Variants in CNTNAP2 observed in about 807,000 individuals in gnomAD.
CNTNAP2 encodes contactin associated protein 2.
CNTNAP2 carries 98 observed loss-of-function variants against 155.2 expected under a neutral mutation model. The ratio of observed to expected loss-of-function variants is 0.63; its 90% CI spans 0.54 to 0.75. The LOEUF (loss-of-function observed/expected upper bound fraction) is 0.75. CNTNAP2 is among the 30% of genes least tolerant of loss of function. CNTNAP2 has a pLI of 0.00. For synonymous variants in CNTNAP2, 651 were observed against 631.2 expected (o/e 1.03, Z -0.47); for missense variants, 1,727 against 1,688.1 (o/e 1.02, Z -0.40).
intron 15 of CNTNAP2, among the ~76,000 whole-genome samples, chr7:148,028,348 G>A (rs575762758): frequency 1.8e-4 from 28 of 152,276 alleles, no homozygotes; most frequent in Non-Finnish European, 3.1e-4. Context: ...CCACCTGGTA[G>A]ATCTCATGTT....
chr7:147,782,783 A>G (rs758054359), intron 13 of CNTNAP2, among the ~76,000 whole-genome samples: 58 of 152,260 alleles, frequency 3.8e-4, no homozygotes, highest in South Asian at 1.2e-3. Flanking sequence ...TCCACCCGCT[A>G]ATTTTACTCT....
chr7:147,501,166 T>C (rs542945287), intron 11 of CNTNAP2, among the ~76,000 whole-genome samples: 108 of 151,642 alleles, frequency 7.1e-4, no homozygotes, highest in Non-Finnish European at 1.2e-3. Flanking sequence ...GAAGAAGCAT[T>C]TGACAAAATT....
chr7:147,176,807 AATAG>A (rs1358935366), intron 8 of CNTNAP2, among the ~76,000 whole-genome samples: 4 of 125,230 alleles, frequency 3.2e-5, no homozygotes, highest in Admixed American at 9.3e-5. Context: ...TATAATATAT[AATAG>A]ATATAGAATA....
At chr7:146,996,226 A>T (rs529736278) in intron 3 of CNTNAP2, among the ~76,000 whole-genome samples, 25 of 152,056 alleles carry the variant, frequency 1.6e-4, no homozygotes, top group African/African-American at 6.0e-4. Flanking sequence ...GAAAAAGTAA[A>T]TTTATGATTT....
intron 21 of CNTNAP2, among the ~76,000 whole-genome samples, chr7:148,324,440 T>G (rs13225489): frequency 0.33 from 50,222 of 152,050 alleles, 9,050 homozygotes; most frequent in East Asian, 0.51. Flanking sequence ...TTTCAAAGCA[T>G]TCTATGCATT....
chr7:148,119,687 G>A (rs578068089), intron 16 of CNTNAP2, among the ~76,000 whole-genome samples: 13 of 152,290 alleles, frequency 8.5e-5, no homozygotes, highest in East Asian at 3.9e-4. Context: ...ATTCCACACC[G>A]TCAGGTAAAT....
At chr7:147,174,479 GA>G (rs1425990686) in intron 8 of CNTNAP2, among the ~76,000 whole-genome samples, 9 of 152,102 alleles carry the variant, frequency 5.9e-5, no homozygotes, top group African/African-American at 2.2e-4. Context: ...CTGAGAGCCA[GA>G]CAACACCCAA....
At chr7:147,151,931 G>T (rs1801835645) in intron 8 of CNTNAP2, among the ~76,000 whole-genome samples, 1 of 152,052 alleles carries the variant, frequency 6.6e-6, no homozygotes, top group Non-Finnish European at 1.5e-5. Flanking sequence ...AGCCTTCCTT[G>T]TTAATTGCTA....
intron 10 of CNTNAP2, among the ~76,000 whole-genome samples, chr7:147,480,963 T>C (rs1413794130): frequency 6.6e-5 from 10 of 152,156 alleles, no homozygotes; most frequent in Non-Finnish European, 1.2e-4. Context: ...AACACTACTT[T>C]TGAGTGCCAA....
intron 12 of CNTNAP2, among the ~76,000 whole-genome samples, chr7:147,629,117 A>G (rs10243358): frequency 0.09 from 13,668 of 152,096 alleles, 1,704 homozygotes; most frequent in African/African-American, 0.26. Flanking sequence ...AATAACGGAC[A>G]TAGGCCGACC....
At chr7:147,410,309 G>T (rs1321844968) in intron 10 of CNTNAP2, among the ~76,000 whole-genome samples, 1 of 152,170 alleles carries the variant, frequency 6.6e-6, no homozygotes, top group African/African-American at 2.4e-5. Flanking sequence ...AATGTCACAT[G>T]TTCTCACTTA....
At chr7:146,928,838 C>T (rs1219290902) in intron 3 of CNTNAP2, among the ~76,000 whole-genome samples, 3 of 152,196 alleles carry the variant, frequency 2.0e-5, no homozygotes, top group Non-Finnish European at 4.4e-5. Context: ...TGGTTGCTAG[C>T]ACAGCAGTCT....
chr7:146,721,476 A>G (rs1471476626), intron 1 of CNTNAP2, among the ~76,000 whole-genome samples: 1 of 130,528 alleles, frequency 7.7e-6, no homozygotes, highest in Non-Finnish European at 1.5e-5. Flanking sequence ...TACATTCTAT[A>G]TATATTCTAT....
intron 8 of CNTNAP2, among the ~76,000 whole-genome samples, chr7:147,178,085 C>T (rs1802384967): frequency 6.6e-6 from 1 of 152,116 alleles, no homozygotes; most frequent in African/African-American, 2.4e-5. Flanking sequence ...GTCCTAACTC[C>T]AAGAACCTGT....
intron 22 of CNTNAP2, among the ~76,000 whole-genome samples, chr7:148,387,151 C>T (rs1585329582): frequency 2.0e-5 from 3 of 152,188 alleles, no homozygotes; most frequent in South Asian, 2.1e-4. Context: ...AAGGAAGCAC[C>T]AAGAAGGCTT....
chr7:148,144,106 C>A (rs1163547115), intron 16 of CNTNAP2, among the ~76,000 whole-genome samples: 2 of 152,194 alleles, frequency 1.3e-5, no homozygotes, highest in African/African-American at 4.8e-5. Flanking sequence ...GGAGAAAAAT[C>A]TCCATGGGTC....
intron 20 of CNTNAP2, 83 bp from the exon 21 acceptor site, chr7:148,266,946 AGAGT>A: frequency 8.2e-7 from 1 of 1,222,106 alleles, no homozygotes. Context: ...CAGGGTTCAA[AGAGT>A]GATGTCATCC....
chr7:147,014,899 C>G (rs1263990275), intron 3 of CNTNAP2, among the ~76,000 whole-genome samples: 2 of 152,108 alleles, frequency 1.3e-5, no homozygotes, highest in African/African-American at 2.4e-5. Flanking sequence ...GTTGACTGCT[C>G]TAATTGAGAT....
intron 3 of CNTNAP2, among the ~76,000 whole-genome samples, chr7:147,019,196 G>C (rs1584786395): frequency 6.6e-6 from 1 of 152,024 alleles, no homozygotes; most frequent in Non-Finnish European, 1.5e-5. Context: ...CACTAAGGAA[G>C]TAATTATCTT....
Sources: gnomAD v4.1 joint callset for allele counts (sites outside exome capture counted in the v4.1 genomes callset) on GRCh38, gnomAD v4.1.1 for gene constraint, MANE v1.5 for transcripts, NCBI Gene and HGNC (gene_info 2026-07-23, HGNC 2026-07-21) for gene names.